The following NALCN variants were observed in gnomAD, a reference collection of about 807,000 sequenced individuals.
The protein encoded by NALCN is sodium leak channel NALCN.
A neutral mutation model predicts 225.3 loss-of-function variants in NALCN; 111 were observed. The observed-to-expected ratio is 0.49, with a 90% CI of 0.42 to 0.58. The LOEUF is 0.58. Among genes scored for constraint, NALCN ranks in the 20% least tolerant of loss-of-function variants. NALCN has a pLI of 0.00. For missense variants in NALCN, 1,378 were observed against 2,202.4 expected (o/e 0.63, Z 7.49); for synonymous variants, 764 against 769.0 (o/e 0.99, Z 0.11).
At chr13:101,130,061 A>G (rs1211776386) in intron 17 of NALCN, among the ~76,000 whole-genome samples, 1 of 152,098 alleles carries the variant, frequency 6.6e-6, no homozygotes, top group Non-Finnish European at 1.5e-5. Flanking sequence ...ATTCTTTTAT[A>G]TGGCTGCATA....
intron 34 of NALCN, among the ~76,000 whole-genome samples, chr13:101,081,199 C>T (rs1439002026): frequency 6.6e-6 from 1 of 152,244 alleles, no homozygotes; most frequent in Non-Finnish European, 1.5e-5. Flanking sequence ...TTCTCAGTCT[C>T]TGTTGCAGTC....
chr13:101,303,367 A>G (rs981737332), intron 7 of NALCN, among the ~76,000 whole-genome samples: 11 of 152,312 alleles, frequency 7.2e-5, no homozygotes, highest in East Asian at 1.9e-4. Flanking sequence ...CTAACAGCAC[A>G]GGATGAAAAG....
intron 15 of NALCN, among the ~76,000 whole-genome samples, chr13:101,170,635 A>G (rs2038667383): frequency 6.6e-6 from 1 of 152,260 alleles, no homozygotes; most frequent in African/African-American, 2.4e-5. Flanking sequence ...TAAAAAAGTC[A>G]CAGTCAATAA....
rs921253355 is a variant in NALCN, at chr13:101,258,359, A to G, written c.1266+84T>C. The stretch of plus-strand genomic sequence containing the variant: ...GAAAGTCAAGTAATGAACAGGCTAC[A>G]CTTCACTTTTGCATCTCTAAGAGGC... On this transcript the variant is annotated intron_variant, in intron 11 of 43. Coordinates refer to ENST00000251127, the MANE Select transcript of NALCN (RefSeq NM_052867.4). The G allele has an allele frequency of 1.2e-5, 18 of 1,556,314 alleles. No individual in the cohort carries two copies. In the African/African-American group the frequency reaches 1.8e-4, roughly 15 times the overall value.
intron 11 of NALCN, among the ~76,000 whole-genome samples, chr13:101,252,215 C>T (rs1467751975): frequency 1.3e-5 from 2 of 152,108 alleles, no homozygotes; most frequent in Admixed American, 6.6e-5. Flanking sequence ...ACCTCTGATT[C>T]CCCATCACCA....
intron 13 of NALCN, among the ~76,000 whole-genome samples, chr13:101,203,899 C>CA (rs2040220407): frequency 6.6e-6 from 1 of 152,194 alleles, no homozygotes; most frequent in South Asian, 2.1e-4. Context: ...TTGGTGCTGT[C>CA]AACTCATCAG....
At chr13:101,063,093 C>T (rs1246721320) in intron 40 of NALCN, among the ~76,000 whole-genome samples, 1 of 152,224 alleles carries the variant, frequency 6.6e-6, no homozygotes, top group Non-Finnish European at 1.5e-5. Flanking sequence ...GACAGCCCCT[C>T]TTGGCAGTGT....
intron 13 of NALCN, among the ~76,000 whole-genome samples, chr13:101,204,652 C>A (rs1419528411): frequency 6.6e-6 from 1 of 152,036 alleles, no homozygotes; most frequent in Non-Finnish European, 1.5e-5. Flanking sequence ...GTAACAGAAG[C>A]ACATTGGCAA....
intron 17 of NALCN, among the ~76,000 whole-genome samples, chr13:101,137,539 G>A (rs571565978): frequency 2.6e-5 from 4 of 151,896 alleles, no homozygotes; most frequent in African/African-American, 4.8e-5. Context: ...TAAAAAAAAC[G>A]GAAGAGTAAA....
intron 7 of NALCN, among the ~76,000 whole-genome samples, chr13:101,306,044 T>G (rs1050453490): frequency 6.6e-6 from 1 of 151,990 alleles, no homozygotes; most frequent in African/African-American, 2.4e-5. Context: ...ATTATAGAGG[T>G]CAGCAGACTT....
chr13:101,081,516 T>C lies in NALCN; in HGVS notation c.3885+11A>G, dbSNP rs1481854331. On this transcript the variant is annotated intron_variant, in intron 34 of 43. Coordinates refer to ENST00000251127, the MANE Select transcript of NALCN (RefSeq NM_052867.4). ...ATAATCAGCTGAAATCAACTTGACT[T>C]CTATGCTTACCAGGAGGGCAAAGTG... 6.2e-7 allele frequency: 1 copy of C among 1,613,896 alleles called. No homozygotes were observed. The highest frequency in any genetic ancestry group is 1.1e-5 in the South Asian group (1 of 91,044).
intron 18 of NALCN, among the ~76,000 whole-genome samples, chr13:101,113,138 T>C (rs2035533223): frequency 6.6e-6 from 1 of 152,172 alleles, no homozygotes; most frequent in African/African-American, 2.4e-5. Context: ...TGAAGCAACT[T>C]TTCTACAGAT....
intron 14 of NALCN, among the ~76,000 whole-genome samples, chr13:101,178,363 G>A (rs550512997): frequency 1.6e-3 from 240 of 152,240 alleles, no homozygotes; most frequent in African/African-American, 5.5e-3. Context: ...AAAAAAAGGG[G>A]GGTCGGAAGG....
At chr13:101,404,553 G>A (rs1481434561) in intron 1 of NALCN, among the ~76,000 whole-genome samples, 2 of 151,252 alleles carry the variant, frequency 1.3e-5, no homozygotes, top group Non-Finnish European at 3.0e-5. Context: ...ACCGAACAAG[G>A]GGCTGCAGAT....
At chr13:101,328,264 T>A (rs1288519257) in intron 7 of NALCN, among the ~76,000 whole-genome samples, 1 of 152,222 alleles carries the variant, frequency 6.6e-6, no homozygotes, top group African/African-American at 2.4e-5. Flanking sequence ...CAAGAGAGCA[T>A]ACACCAGTGA....
At chr13:101,360,193 TCTCTC>T (rs2046206308) in intron 6 of NALCN, among the ~76,000 whole-genome samples, 10 of 46,784 alleles carry the variant, frequency 2.1e-4, no homozygotes, top group African/African-American at 1.0e-3. Context: ...TCTCTTCCTC[TCTCTC>T]TCTCTCTCTC....
intron 13 of NALCN, among the ~76,000 whole-genome samples, chr13:101,211,157 A>G (rs558407752): frequency 2.0e-3 from 299 of 152,312 alleles, no homozygotes; most frequent in African/African-American, 6.9e-3. Context: ...GGAATGAGAC[A>G]ATACTTTTCA....
At chr13:101,309,647 C>G (rs978097033) in intron 7 of NALCN, among the ~76,000 whole-genome samples, 4 of 152,160 alleles carry the variant, frequency 2.6e-5, no homozygotes, top group African/African-American at 9.7e-5. Flanking sequence ...TGTAACCAAG[C>G]TTTTGCAAAT....
chr13:101,311,451 G>A (rs1361515568), intron 7 of NALCN, among the ~76,000 whole-genome samples: 3 of 124,896 alleles, frequency 2.4e-5, no homozygotes, highest in Non-Finnish European at 5.6e-5. Flanking sequence ...TTTTCAAAGG[G>A]AATGCTTCCA....
Sources: gnomAD v4.1 joint callset for allele counts (sites outside exome capture counted in the v4.1 genomes callset) on GRCh38, gnomAD v4.1.1 for gene constraint, MANE v1.5 for transcripts, NCBI Gene and HGNC (gene_info 2026-07-23, HGNC 2026-07-21) for gene names.